MBD5: variants seen among roughly 807,000 people sequenced by gnomAD.
The protein encoded by MBD5 is methyl-CpG-binding domain protein 5.
Under a neutral mutation model 117.3 loss-of-function variants are expected in MBD5, and 13 were observed. The observed-to-expected ratio is 0.11, with a 90% CI of 0.07 to 0.18. The LOEUF is 0.18. Ranked by LOEUF, MBD5 falls within the 10% of genes least tolerant of loss-of-function variation. MBD5 has a pLI of 1.00. For missense variants in MBD5, 1,879 were observed against 2,093.8 expected, an observed-to-expected ratio of 0.90 and a Z score of 2.00; for synonymous variants, 727 against 766.4, an observed-to-expected ratio of 0.95 and a Z score of 0.85.
intron 1 of MBD5, among the ~76,000 whole-genome samples, chr2:148,148,929 T>A (rs946764751): frequency 9.3e-5 from 14 of 151,254 alleles, no homozygotes; most frequent in African/African-American, 3.4e-4. Flanking sequence ...AAATATTTCT[T>A]TATTTATTTT....
At chr2:148,299,652 G>A (rs907553543) in intron 3 of MBD5, among the ~76,000 whole-genome samples, 8 of 152,082 alleles carry the variant, frequency 5.3e-5, no homozygotes, top group Non-Finnish European at 8.8e-5. Flanking sequence ...ATTTCCTGGG[G>A]TGTTTTGTTT....
chr2:148,295,580 A>T (rs990872530), intron 3 of MBD5: 1 of 152,486 alleles, frequency 6.6e-6, no homozygotes, highest in Admixed American at 6.5e-5. Flanking sequence ...AATAGAAAAG[A>T]ACGTAACCAG....
intron 4 of MBD5, among the ~76,000 whole-genome samples, chr2:148,444,320 T>C (rs1706423603): frequency 6.6e-6 from 1 of 150,884 alleles, no homozygotes; most frequent in Admixed American, 6.6e-5. Flanking sequence ...TCTATTCCTT[T>C]CTTATTAAAG....
chr2:148,372,260 T>C (rs1384832131), intron 4 of MBD5, among the ~76,000 whole-genome samples: 1 of 152,116 alleles, frequency 6.6e-6, no homozygotes, highest in Admixed American at 6.5e-5. Context: ...GACTAGGATA[T>C]GCTAAGTGTT....
intron 3 of MBD5, among the ~76,000 whole-genome samples, chr2:148,285,805 C>T (rs898923253): frequency 5.9e-5 from 9 of 152,144 alleles, no homozygotes; most frequent in Admixed American, 5.2e-4. Flanking sequence ...GCCATCCACC[C>T]ACCTTGGCCT....
intron 1 of MBD5, among the ~76,000 whole-genome samples, chr2:148,051,342 A>C (rs1009675569): frequency 6.6e-6 from 1 of 151,484 alleles, no homozygotes; most frequent in Non-Finnish European, 1.5e-5. Context: ...TTTATACATA[A>C]GATTATGTCA....
At chr2:148,048,078 G>A (rs927638317) in intron 1 of MBD5, among the ~76,000 whole-genome samples, 1 of 152,036 alleles carries the variant, frequency 6.6e-6, no homozygotes, top group Non-Finnish European at 1.5e-5. Flanking sequence ...GTGGATAGGG[G>A]CATAAACTTT....
chr2:148,197,958 G>A (rs1699039369), intron 2 of MBD5, among the ~76,000 whole-genome samples: 1 of 151,274 alleles, frequency 6.6e-6, no homozygotes, highest in Non-Finnish European at 1.5e-5. Context: ...GAAATTACAG[G>A]GACCCACCAC....
intron 4 of MBD5, among the ~76,000 whole-genome samples, chr2:148,368,487 T>G (rs1341908608): frequency 1.3e-5 from 2 of 152,022 alleles, no homozygotes; most frequent in African/African-American, 4.8e-5. Context: ...AATAAAAACT[T>G]TTTTAAAATA....
chr2:148,121,281 C>T (rs1358609078), intron 1 of MBD5, among the ~76,000 whole-genome samples: 4 of 151,990 alleles, frequency 2.6e-5, no homozygotes, highest in African/African-American at 9.7e-5. Flanking sequence ...ATACCTTGGT[C>T]GTTATTAAGA....
rs1313187266 is a variant in MBD5 at position 148,112,531 on chromosome 2, G to A, written c.-924-66169G>A. 2.6e-5 allele frequency among the ~76,000 whole-genome samples: 4 copies of A among 152,198 alleles called. No homozygotes were observed. In the East Asian group the frequency reaches 7.7e-4, roughly 29 times the overall value. ...TTTAACACTTTGCAAAGTAACATAA[G>A]CATGAGGAATTATCACATGAGCCTC... On this transcript the variant is annotated intron_variant, in intron 1 of 13. Coordinates refer to ENST00000642680, the MANE Select transcript of MBD5 (RefSeq NM_001378120.1).
At chr2:148,033,046 G>C (rs1694086544) in intron 1 of MBD5, among the ~76,000 whole-genome samples, 1 of 152,068 alleles carries the variant, frequency 6.6e-6, no homozygotes, top group Non-Finnish European at 1.5e-5. Context: ...GATGGTGAGG[G>C]ACACATTCAG....
intron 3 of MBD5, among the ~76,000 whole-genome samples, chr2:148,293,939 A>G (rs1701565114): frequency 6.6e-6 from 1 of 152,176 alleles, no homozygotes; most frequent in Non-Finnish European, 1.5e-5. Flanking sequence ...ATATTGTTTT[A>G]TACAATTTCT....
intron 3 of MBD5, among the ~76,000 whole-genome samples, chr2:148,245,212 C>G (rs558427865): frequency 6.6e-6 from 1 of 152,230 alleles, no homozygotes; most frequent in African/African-American, 2.4e-5. Flanking sequence ...TAGTGAGACC[C>G]TGTCTCTACA....
intron 1 of MBD5, among the ~76,000 whole-genome samples, chr2:148,067,032 T>C (rs1200977115): frequency 6.6e-6 from 1 of 152,220 alleles, no homozygotes; most frequent in Admixed American, 6.5e-5. Flanking sequence ...CATAGAGATA[T>C]TCAGTAAGTA....
chr2:148,432,250 T>C (rs573920062), intron 4 of MBD5, among the ~76,000 whole-genome samples: 7 of 152,182 alleles, frequency 4.6e-5, no homozygotes, highest in African/African-American at 1.2e-4. Context: ...AAATTTCTTA[T>C]AGATTCTGGA....
chr2:148,299,165 G>C (rs1292642867), intron 3 of MBD5, among the ~76,000 whole-genome samples: 1 of 150,850 alleles, frequency 6.6e-6, no homozygotes, highest in African/African-American at 2.4e-5. Context: ...GTCTAGCTCT[G>C]TCGCCCAGGC....
chr2:148,220,463 G>A (rs1047642986), intron 2 of MBD5, among the ~76,000 whole-genome samples: 1 of 152,112 alleles, frequency 6.6e-6, no homozygotes, highest in South Asian at 2.1e-4. Context: ...AAATTAATAA[G>A]TAGTATGTTC....
In MBD5 at chr2:148,318,212, T is replaced by C. The variant is rs571973483; in HGVS notation, c.-679-24002T>C. ...TTTATTTCTCTGATGATTAGTGATG[T>C]TGAGCATTTTTTCGTGTGTTTGTTA... On this transcript the variant is annotated intron_variant, in intron 3 of 13. Coordinates refer to ENST00000642680, the MANE Select transcript of MBD5 (RefSeq NM_001378120.1). Among the ~76,000 whole-genome samples, 12 of 152,282 alleles carry C rather than the reference T, an allele frequency of 7.9e-5. No individual in the cohort carries two copies. In the South Asian group the frequency reaches 2.3e-3, roughly 29 times the overall value.
Sources: allele counts gnomAD v4.1 joint callset (sites outside exome capture counted in the v4.1 genomes callset), GRCh38; gene constraint gnomAD v4.1.1; transcripts MANE v1.5; gene names NCBI Gene and HGNC (gene_info 2026-07-23, HGNC 2026-07-21).